The following GLCE variants were observed in gnomAD, a reference collection of about 807,000 sequenced individuals.
GLCE encodes the protein D-glucuronyl C5-epimerase.
Under a neutral mutation model 47.9 loss-of-function variants are expected in GLCE, and 19 were observed. The ratio of observed to expected loss-of-function variants is 0.40; its 90% CI spans 0.28 to 0.58. The LOEUF (loss-of-function observed/expected upper bound fraction) is 0.58, where lower values mean the gene tolerates loss of function less well. GLCE is among the 20% of genes least tolerant of loss of function. GLCE has a pLI of 0.48. For synonymous variants in GLCE, 245 were observed against 263.4 expected (o/e 0.93, Z 0.68); for missense variants, 556 against 743.3 (o/e 0.75, Z 2.93).
intron 2 of GLCE, among the ~76,000 whole-genome samples, chr15:69,220,122 A>T (rs751651560): frequency 6.6e-6 from 1 of 152,062 alleles, no homozygotes; most frequent in African/African-American, 2.4e-5. Context: ...CATTCCATTG[A>T]TACACTCTTG....
intron 1 of GLCE, among the ~76,000 whole-genome samples, chr15:69,176,970 T>A (rs1450291047): frequency 6.6e-6 from 1 of 152,060 alleles, no homozygotes; most frequent in South Asian, 2.1e-4. Flanking sequence ...GAACTATGAC[T>A]TTGAAAAAAG....
At chr15:69,266,720 C>A in intron 4 of GLCE, 2 of 936,368 alleles carry the variant, frequency 2.1e-6, no homozygotes, top group Non-Finnish European at 1.3e-6. Context: ...GAGAACCTTT[C>A]TATTGAATAT....
intron 2 of GLCE, among the ~76,000 whole-genome samples, chr15:69,243,148 A>G (rs1460206149): frequency 1.3e-5 from 2 of 151,744 alleles, no homozygotes; most frequent in Non-Finnish European, 2.9e-5. Flanking sequence ...GTGTCCTGTT[A>G]GGGGTAAGAC....
At chr15:69,185,542 G>C (rs1017442691) in intron 1 of GLCE, among the ~76,000 whole-genome samples, 6 of 151,946 alleles carry the variant, frequency 3.9e-5, no homozygotes, top group African/African-American at 1.5e-4. Context: ...CTTCATCTCA[G>C]ACCTTCTGCT....
intron 1 of GLCE, among the ~76,000 whole-genome samples, chr15:69,161,493 G>A (rs956361477): frequency 1.3e-5 from 2 of 152,050 alleles, no homozygotes; most frequent in African/African-American, 2.4e-5. Context: ...CCAGTCTTTT[G>A]GGGGCGACGG....
intron 2 of GLCE, among the ~76,000 whole-genome samples, chr15:69,252,447 A>T (rs568033221): frequency 6.6e-6 from 1 of 152,174 alleles, no homozygotes; most frequent in Non-Finnish European, 1.5e-5. Context: ...AAGCAATCAG[A>T]TCTCACGCAA....
intron 2 of GLCE, among the ~76,000 whole-genome samples, chr15:69,254,604 G>T (rs1208752054): frequency 1.3e-5 from 2 of 152,136 alleles, no homozygotes; most frequent in Non-Finnish European, 2.9e-5. Flanking sequence ...TAATTTGAAG[G>T]TAGAACCAAC....
chr15:69,244,927 A>C (rs926228647), intron 2 of GLCE, among the ~76,000 whole-genome samples: 1 of 152,244 alleles, frequency 6.6e-6, no homozygotes, highest in Non-Finnish European at 1.5e-5. Context: ...CATAATGTGA[A>C]TATCACAATA....
At chr15:69,236,127 T>A (rs2052591617) in intron 2 of GLCE, among the ~76,000 whole-genome samples, 1 of 152,244 alleles carries the variant, frequency 6.6e-6, no homozygotes, top group Non-Finnish European at 1.5e-5. Flanking sequence ...TGCATTGCTG[T>A]GTTGTGTTCC....
At chr15:69,167,637 AGTTTATATCTAATT>A (rs2051524770) in intron 1 of GLCE, among the ~76,000 whole-genome samples, 1 of 152,222 alleles carries the variant, frequency 6.6e-6, no homozygotes, top group Admixed American at 6.5e-5. Context: ...AGCGGAAGGC[AGTTTATATCTAATT>A]GCAAGGTAGT....
At chr15:69,187,400 G>T (rs897700720) in intron 1 of GLCE, among the ~76,000 whole-genome samples, 1 of 152,030 alleles carries the variant, frequency 6.6e-6, no homozygotes, top group Admixed American at 6.5e-5. Flanking sequence ...TTTAACATTT[G>T]TATCATTTAA....
chr15:69,197,010 G>T (rs1346619087), intron 1 of GLCE: 8 of 316,370 alleles, frequency 2.5e-5, no homozygotes, highest in Admixed American at 2.4e-4. Flanking sequence ...TCTGCTGCCG[G>T]TCTGATCCAC....
intron 1 of GLCE, among the ~76,000 whole-genome samples, chr15:69,173,762 T>G (rs12437961): frequency 1.1e-4 from 17 of 152,320 alleles, no homozygotes; most frequent in Admixed American, 8.5e-4. Context: ...TTCACACTTA[T>G]AATACTTATG....
intron 1 of GLCE, among the ~76,000 whole-genome samples, chr15:69,190,799 A>G (rs2051900575): frequency 6.6e-6 from 1 of 152,024 alleles, no homozygotes. Context: ...ACTTTTGTCT[A>G]CTGTTGTGCT....
intron 2 of GLCE, among the ~76,000 whole-genome samples, chr15:69,238,191 G>A (rs994877321): frequency 8.5e-5 from 13 of 152,220 alleles, no homozygotes; most frequent in African/African-American, 2.2e-4. Flanking sequence ...AGAAGCTGAC[G>A]CATAATGCTA....
At chr15:69,204,651 C>T (rs920123108) in intron 1 of GLCE, among the ~76,000 whole-genome samples, 36 of 152,236 alleles carry the variant, frequency 2.4e-4, no homozygotes, top group African/African-American at 8.4e-4. Flanking sequence ...ATTCCTCTCC[C>T]TGACCAACAA....
At chr15:69,243,831 CAG>C (rs2052710143) in intron 2 of GLCE, among the ~76,000 whole-genome samples, 1 of 151,880 alleles carries the variant, frequency 6.6e-6, no homozygotes, top group Non-Finnish European at 1.5e-5. Flanking sequence ...AAAAAAAAGA[CAG>C]GGTCTCAGGT....
At chr15:69,201,063 G>A (rs2052070760) in intron 1 of GLCE, among the ~76,000 whole-genome samples, 1 of 152,050 alleles carries the variant, frequency 6.6e-6, no homozygotes, top group African/African-American at 2.4e-5. Flanking sequence ...CAAGCTTCCA[G>A]TATTTCCTTC....
intron 2 of GLCE, among the ~76,000 whole-genome samples, chr15:69,221,862 CAAAAAAA>C (rs35986310): frequency 2.3e-5 from 2 of 87,444 alleles, no homozygotes; most frequent in African/African-American, 4.2e-5. Flanking sequence ...GACGCTGTCT[CAAAAAAA>C]AAAAAAAAAA....
Sources: allele counts gnomAD v4.1 joint callset (sites outside exome capture counted in the v4.1 genomes callset), GRCh38; gene constraint gnomAD v4.1.1; transcripts MANE v1.5; gene names NCBI Gene and HGNC (gene_info 2026-07-23, HGNC 2026-07-21).